Variants in DOP1A observed in about 807,000 individuals in gnomAD.
DOP1A encodes the protein protein DOP1A.
Under a neutral mutation model 267.6 loss-of-function variants are expected in DOP1A, and 90 were observed. That is an observed-to-expected ratio of 0.34 (90% CI 0.28 to 0.40). DOP1A has a LOEUF of 0.40. Among genes scored for constraint, DOP1A ranks in the 10% least tolerant of loss-of-function variants. DOP1A has a pLI of 1.00. For missense variants in DOP1A, 2,437 were observed against 2,900.4 expected (o/e 0.84, Z 3.67); for synonymous variants, 932 against 999.1 (o/e 0.93, Z 1.27).
At chr6:83,160,907 T>C (rs550740487) in intron 37 of DOP1A, among the ~76,000 whole-genome samples, 188 of 152,264 alleles carry the variant, frequency 1.2e-3, no homozygotes, top group African/African-American at 4.2e-3. Flanking sequence ...TTAAACTTAA[T>C]GGTAAGAACT....
intron 22 of DOP1A, 34 bp downstream of exon 22, chr6:83,140,145 A>G: frequency 6.2e-7 from 1 of 1,606,552 alleles, no homozygotes; most frequent in Non-Finnish European, 8.5e-7. Context: ...TTCTTTTGAA[A>G]GACTGTGAGG....
At chr6:83,103,455 AC>A (rs1398674828) in intron 4 of DOP1A, among the ~76,000 whole-genome samples, 1 of 152,082 alleles carries the variant, frequency 6.6e-6, no homozygotes, top group Admixed American at 6.5e-5. Flanking sequence ...ATGTAACCAA[AC>A]ACCACCTATT....
intron 35 of DOP1A, among the ~76,000 whole-genome samples, 178 bp downstream of exon 35, chr6:83,157,496 C>T (rs781044387): frequency 1.3e-5 from 2 of 152,178 alleles, no homozygotes; most frequent in African/African-American, 4.8e-5. Context: ...TTCCATACAG[C>T]TTAAATTTAC....
chr6:83,164,643 C>T, intron 38 of DOP1A: 5 of 1,560,944 alleles, frequency 3.2e-6, no homozygotes, highest in Non-Finnish European at 4.3e-6. Context: ...TGTGAGTTCT[C>T]CTCTTTCCTT....
At chr6:83,152,847 A>G (rs1178795105) in intron 30 of DOP1A, among the ~76,000 whole-genome samples, 1 of 151,746 alleles carries the variant, frequency 6.6e-6, no homozygotes, top group Non-Finnish European at 1.5e-5. Context: ...CGAACTCCTG[A>G]CCTCAGGTAA....
downstream of DOP1A, chr6:83,169,550 A>G (rs1786635080): frequency 1.8e-6 from 1 of 542,584 alleles, no homozygotes; most frequent in Non-Finnish European, 3.3e-6. Flanking sequence ...TTTTTAATCA[A>G]TTCAGATTAT....
intron 26 of DOP1A, 90 bp downstream of exon 26, chr6:83,147,381 C>A: frequency 1.6e-6 from 1 of 612,188 alleles, no homozygotes; most frequent in South Asian, 4.7e-5. Flanking sequence ...TAATGAGTGT[C>A]TTAACGACCC....
chr6:83,135,679 A>G lies in DOP1A; in HGVS notation c.2931A>G (p.Gly977=). The part of the protein sequence containing the change: ...NSLDGSTSSV[G]QAWLNQVLQR... The stretch of plus-strand genomic sequence containing the variant: ...TCGATGGTTCTACTAGCTCTGTGGG[A>G]CAAGCCTGGCTGAACCAAGTCCTAC... Residue 977 remains glycine, a synonymous_variant, in exon 20 of 39, where the codon GGA becomes GGG. Transcript: ENST00000349129. The G allele has an allele frequency of 6.2e-7, 1 of 1,613,734 alleles. No individual in the cohort carries two copies. The highest frequency in any genetic ancestry group is 8.5e-7 in the Non-Finnish European group (1 of 1,179,724).
intron 4 of DOP1A, among the ~76,000 whole-genome samples, chr6:83,107,721 A>AGGC (rs1773879032): frequency 6.6e-6 from 1 of 152,224 alleles, no homozygotes; most frequent in African/African-American, 2.4e-5. Context: ...TCTTAGGCTG[A>AGGC]GGCCTGAAAG....
At chr6:83,083,189 A>C (rs891136986) in intron 1 of DOP1A, among the ~76,000 whole-genome samples, 13 of 152,152 alleles carry the variant, frequency 8.5e-5, no homozygotes, top group Admixed American at 8.5e-4. Context: ...TTATATTTTA[A>C]ACACTATCAG....
At position 83,088,472 on chromosome 6, in the gene DOP1A, G is replaced by C. The variant is rs1351532269; in HGVS notation, c.-146-8259G>C. On this transcript the variant is annotated intron_variant, in intron 1 of 38. Coordinates refer to ENST00000349129, the MANE Select transcript of DOP1A (RefSeq NM_015018.4). ...GGAGTCTCACTCTGTCCCCAGGCTGGAGTGCAGTGGCGCGATCTCAGCTCA... is the reference window on the plus strand; with the variant it reads ...GGAGTCTCACTCTGTCCCCAGGCTGCAGTGCAGTGGCGCGATCTCAGCTCA... Among the ~76,000 whole-genome samples, 3 of 146,434 alleles carry C rather than the reference G, an allele frequency of 2.0e-5. No individual in the cohort carries two copies. The East Asian group carries it at 6.0e-4, about 29-fold the overall frequency.
At position 83,118,254 on chromosome 6, in the gene DOP1A, CCT is replaced by C. The variant is rs1348999910; in HGVS notation, c.781-631_781-630del. Among the ~76,000 whole-genome samples the C allele has an allele frequency of 2.4e-4, 36 of 152,014 alleles. 1 individual carries two copies. The highest frequency in any genetic ancestry group is 2.4e-3 in the Admixed American group (36 of 15,270). On this transcript the variant is annotated intron_variant, in intron 7 of 38. Transcript: ENST00000349129. ...TTCTATTTTGATTTTTATAAATTTA[CCT>C]CTTTTAGCTAAAACCCAGATCTCCT...
chr6:83,128,509 A>G (rs952984449), intron 15 of DOP1A, among the ~76,000 whole-genome samples: 3 of 152,326 alleles, frequency 2.0e-5, no homozygotes, highest in African/African-American at 7.2e-5. Context: ...CCCTGAACAG[A>G]TGACCTATTA....
In DOP1A at chr6:83,159,969, A is replaced by T; in HGVS notation, c.6962+9A>T. 1 of 1,613,550 alleles carries T rather than the reference A, an allele frequency of 6.2e-7. No individual in the cohort carries two copies. The highest frequency in any genetic ancestry group is 8.5e-7 in the Non-Finnish European group (1 of 1,179,782). ...CTTCCTCAGTTTCAGATGTAAGTAA[A>T]AGCAAGGATATTAAATGGTTATTTT... On this transcript the variant is annotated intron_variant, in intron 37 of 38. Coordinates refer to ENST00000349129, the MANE Select transcript of DOP1A (RefSeq NM_015018.4).
At chr6:83,163,444 A>G (rs1784709221) in intron 38 of DOP1A, among the ~76,000 whole-genome samples, 1 of 152,232 alleles carries the variant, frequency 6.6e-6, no homozygotes, top group South Asian at 2.1e-4. Context: ...TTTGTAAAAT[A>G]TGAGTCAGAT....
At chr6:83,135,339 T>C (rs567312779) in intron 19 of DOP1A, among the ~76,000 whole-genome samples, 4 of 151,988 alleles carry the variant, frequency 2.6e-5, no homozygotes, top group Admixed American at 2.6e-4. Flanking sequence ...ACTAATCATA[T>C]TTTTTTTCAG....
At position 83,131,838 on chromosome 6, in the gene DOP1A, C is replaced by T. The variant is rs531701931; in HGVS notation, c.2617-338C>T. ...TTTTAGTAGAGACAAGGTTTCGCCA[C>T]GTTGGCCAGGCTGGTCTCAAACTCC... On this transcript the variant is annotated intron_variant, in intron 17 of 38. Coordinates refer to ENST00000349129, the MANE Select transcript of DOP1A (RefSeq NM_015018.4). Among the ~76,000 whole-genome samples the T allele has an allele frequency of 1.5e-4, 23 of 151,860 alleles. No homozygotes were observed. The South Asian group carries it at 4.8e-3, about 32-fold the overall frequency.
rs145538359 is a variant in DOP1A at position 83,138,118 on chromosome 6, A to G, written c.4076A>G (p.Asn1359Ser). 1.1e-5 allele frequency: 18 copies of G among 1,613,746 alleles called. No individual in the cohort carries two copies. The highest frequency in any genetic ancestry group is 3.3e-5 in the South Asian group (3 of 91,072). The change falls in exon 21 of 39, where the codon AAT becomes AGT. Residue 1359 changes from asparagine (N) to serine (S), a missense_variant. Transcript: ENST00000349129. ...MGSPGSRKSP[N>S]FNIHPLYQHV... is the part of the protein sequence containing the mutation. Reference sequence around the variant, plus strand: ...TCTCCAGGATCTCGAAAATCTCCCAATTTCAACATTCATCCTCTCTATCAA... The same window carrying G: ...TCTCCAGGATCTCGAAAATCTCCCAGTTTCAACATTCATCCTCTCTATCAA...
intron 1 of DOP1A, among the ~76,000 whole-genome samples, chr6:83,077,109 G>C (rs1042883979): frequency 7.2e-5 from 11 of 152,178 alleles, no homozygotes; most frequent in African/African-American, 2.7e-4. Context: ...TGTTTAATGG[G>C]TATAGAGTTG....
Sources: allele counts gnomAD v4.1 joint callset (sites outside exome capture counted in the v4.1 genomes callset), GRCh38; gene constraint gnomAD v4.1.1; transcripts MANE v1.5; gene names NCBI Gene and HGNC (gene_info 2026-07-23, HGNC 2026-07-21).